The following BRAF variants were observed in gnomAD, a reference collection of about 807,000 sequenced individuals.
BRAF encodes B-Raf proto-oncogene, serine/threonine kinase.
BRAF carries 16 observed loss-of-function variants against 104.6 expected under a neutral mutation model. The observed-to-expected ratio is 0.15, with a 90% CI of 0.10 to 0.23. The LOEUF is 0.23. Among genes scored for constraint, BRAF ranks in the 10% least tolerant of loss-of-function variants. BRAF has a pLI of 1.00. For synonymous variants in BRAF, 310 were observed against 341.6 expected, an observed-to-expected ratio of 0.91 and a Z score of 1.02; for missense variants, 541 against 937.3, an observed-to-expected ratio of 0.58 and a Z score of 5.52.
At chr7:140,757,733 G>A (rs551512629) in intron 14 of BRAF, among the ~76,000 whole-genome samples, 10 of 152,142 alleles carry the variant, frequency 6.6e-5, no homozygotes, top group East Asian at 3.9e-4. Flanking sequence ...AGAGTCTTAC[G>A]TGAGAGCTGA....
chr7:140,720,885 C>T lies in BRAF; in HGVS notation c.*5609G>A, dbSNP rs947033799. On this transcript the variant is annotated 3_prime_UTR_variant, in exon 20 of 20. Coordinates refer to ENST00000644969, the MANE Select transcript of BRAF (RefSeq NM_001374258.1). ...CACCCGTCAACAGACCCTTCCTTTG[C>T]GGCATCTCTTCACAAATTTTCTGCC... 10 of 1,065,854 alleles carry T rather than the reference C, an allele frequency of 9.4e-6. No homozygotes were observed. The highest frequency in any genetic ancestry group is 1.1e-5 in the Non-Finnish European group (10 of 879,700). The allele number at this position is 1,065,854 out of a possible 1,614,324, so 66.0% of individuals were successfully genotyped here. A position where few individuals can be genotyped will look rare whatever the true frequency, so the allele number is the denominator to read the frequency against.
intron 1 of BRAF, among the ~76,000 whole-genome samples, chr7:140,878,292 T>C (rs892924381): frequency 1.7e-4 from 26 of 152,190 alleles, no homozygotes; most frequent in South Asian, 2.1e-4. Flanking sequence ...ATAAATGATA[T>C]AGGAGCTAAA....
In BRAF at chr7:140,801,623, T is replaced by C. The variant is rs1012695756; in HGVS notation, c.712-63A>G. On this transcript the variant is annotated intron_variant, in intron 5 of 19. Transcript: ENST00000644969. ...CAAGAAAACTTTCTAGAAACTGACG[T>C]ATCTACTCTCTTGTTTAAAATAACA... The C allele has an allele frequency of 3.1e-5, 46 of 1,494,874 alleles. No homozygotes were observed. In the South Asian group the frequency reaches 5.0e-4, roughly 16 times the overall value. 92.6% of individuals were successfully genotyped at this position (1,494,874 alleles called of 1,614,324 possible). A position where few individuals can be genotyped will look rare whatever the true frequency, so the allele number is the denominator to read the frequency against.
chr7:140,778,223 C>A (rs2129019900), intron 12 of BRAF, 148 bp from the exon 12 acceptor site: 2 of 760,146 alleles, frequency 2.6e-6, no homozygotes, highest in East Asian at 5.5e-5. Flanking sequence ...TATCTAAACT[C>A]CATTTGTTTT....
At chr7:140,903,340 G>C (rs1328782435) in intron 1 of BRAF, among the ~76,000 whole-genome samples, 1 of 152,130 alleles carries the variant, frequency 6.6e-6, no homozygotes, top group Admixed American at 6.6e-5. Flanking sequence ...AAAATTTACT[G>C]TCTGTGCTCT....
At chr7:140,786,709 C>T (rs1801394571) in intron 9 of BRAF, among the ~76,000 whole-genome samples, 3 of 152,072 alleles carry the variant, frequency 2.0e-5, no homozygotes, top group Admixed American at 2.0e-4. Context: ...TAAAACACTT[C>T]CAGAAAGTTG....
chr7:140,803,684 C>G (rs1001443572), intron 5 of BRAF, among the ~76,000 whole-genome samples: 19 of 152,042 alleles, frequency 1.2e-4, no homozygotes, highest in African/African-American at 4.3e-4. Context: ...TTAAGAATTC[C>G]ATGTCAAAGG....
At chr7:140,788,845 T>G (rs961527883) in intron 8 of BRAF, among the ~76,000 whole-genome samples, 3 of 151,452 alleles carry the variant, frequency 2.0e-5, no homozygotes, top group Non-Finnish European at 4.4e-5. Context: ...CACCTCAGCC[T>G]CCCAAAGTGC....
At chr7:140,804,268 G>A (rs772873224) in intron 5 of BRAF, among the ~76,000 whole-genome samples, 1 of 151,628 alleles carries the variant, frequency 6.6e-6, no homozygotes, top group African/African-American at 2.4e-5. Flanking sequence ...GCAGTGGCAC[G>A]ATCTCGGCTC....
At chr7:140,910,966 A>C (rs1038211673) in intron 1 of BRAF, among the ~76,000 whole-genome samples, 1 of 152,094 alleles carries the variant, frequency 6.6e-6, no homozygotes, top group African/African-American at 2.4e-5. Flanking sequence ...CATCCAACCA[A>C]AACGCTAACT....
chr7:140,716,510 A>C (rs1795132950), downstream of BRAF, among the ~76,000 whole-genome samples: 4 of 152,238 alleles, frequency 2.6e-5, no homozygotes, highest in Admixed American at 2.6e-4. Context: ...AAAAACTTCC[A>C]GATAGACCAG....
At chr7:140,759,361 T>C (rs1798472999) in intron 14 of BRAF, among the ~76,000 whole-genome samples, 1 of 152,252 alleles carries the variant, frequency 6.6e-6, no homozygotes. Context: ...TCCTTGATAA[T>C]ACTTTGTATT....
At chr7:140,770,383 A>T (rs1799720662) in intron 14 of BRAF, among the ~76,000 whole-genome samples, 1 of 152,168 alleles carries the variant, frequency 6.6e-6, no homozygotes, top group Non-Finnish European at 1.5e-5. Flanking sequence ...AATTATTTTT[A>T]ATCATCTTAT....
At position 140,721,089 on chromosome 7, in the gene BRAF, C is replaced by T. The variant is rs1795301633; in HGVS notation, c.*5405G>A. On this transcript the variant is annotated 3_prime_UTR_variant, in exon 20 of 20. Coordinates refer to ENST00000644969, the MANE Select transcript of BRAF (RefSeq NM_001374258.1). ...ACAGAATTCTTTAAAAAAAAATGCA[C>T]CTCTAAAAAATGGATACACTGGCTT... 9.4e-7 allele frequency: 1 copy of T among 1,063,916 alleles called. No individual in the cohort carries two copies. Among genetic ancestry groups the T allele is most frequent in the Non-Finnish European group, 1.1e-6 (1 of 878,566 alleles). 65.9% of individuals were successfully genotyped at this position (1,063,916 alleles called of 1,614,324 possible).
rs1796267700 is a variant in BRAF, at chr7:140,734,797, GAAAAAAAAAGAAAAAAGAAAAAA to G, written c.2248-50_2248-28del. 10 of 1,130,054 alleles carry G rather than the reference GAAAAAAAAAGAAAAAAGAAAAAA, an allele frequency of 8.8e-6. 1 individual carries two copies. The highest frequency in any genetic ancestry group is 6.3e-5 in the African/African-American group (3 of 47,882). 70.0% of individuals were successfully genotyped at this position (1,130,054 alleles called of 1,614,324 possible). A position where few individuals can be genotyped will look rare whatever the true frequency, so the allele number is the denominator to read the frequency against. On this transcript the variant is annotated intron_variant, in intron 18 of 19. Coordinates refer to ENST00000644969, the MANE Select transcript of BRAF (RefSeq NM_001374258.1). ...TACAAAAAAAAAAAGAAAAAAAAAA[GAAAAAAAAAGAAAAAAGAAAAAA>G]AAAGAAAGAAAGAAAAAGAAAAAAC...
chr7:140,880,626 A>T (rs1053280545), intron 1 of BRAF, among the ~76,000 whole-genome samples: 1 of 152,198 alleles, frequency 6.6e-6, no homozygotes, highest in South Asian at 2.1e-4. Flanking sequence ...TGGCAGCTAT[A>T]GCCTAATAAA....
intron 1 of BRAF, among the ~76,000 whole-genome samples, chr7:140,854,522 A>G (rs1809549619): frequency 6.6e-6 from 1 of 152,096 alleles, no homozygotes; most frequent in Non-Finnish European, 1.5e-5. Context: ...ATAAAAACTC[A>G]TATGCAGTTA....
At position 140,722,509 on chromosome 7, in the gene BRAF, G is replaced by C; in HGVS notation, c.*3985C>G. 9.5e-7 allele frequency: 1 copy of C among 1,056,630 alleles called. No homozygotes were observed. The highest frequency in any genetic ancestry group is 4.6e-5 in the South Asian group (1 of 21,896). The allele number at this position is 1,056,630 out of a possible 1,614,324, so 65.5% of individuals were successfully genotyped here. On this transcript the variant is annotated 3_prime_UTR_variant, in exon 20 of 20. Coordinates refer to ENST00000644969, the MANE Select transcript of BRAF (RefSeq NM_001374258.1). Reference sequence around the variant, plus strand: ...CACCATTTCAACTCATGACCTGTAAGCTATTTGCTGTTCATACTCACAGTA... The same window carrying C: ...CACCATTTCAACTCATGACCTGTAACCTATTTGCTGTTCATACTCACAGTA...
At chr7:140,750,576 G>A (rs1376384791) in intron 16 of BRAF, among the ~76,000 whole-genome samples, 1 of 152,202 alleles carries the variant, frequency 6.6e-6, no homozygotes, top group African/African-American at 2.4e-5. Flanking sequence ...GTCCTGAAGA[G>A]CGTGAGAGGA....
Sources: allele counts gnomAD v4.1 joint callset (sites outside exome capture counted in the v4.1 genomes callset), GRCh38; gene constraint gnomAD v4.1.1; transcripts MANE v1.5; gene names NCBI Gene and HGNC (gene_info 2026-07-23, HGNC 2026-07-21).